The following ZNF423 variants were observed in gnomAD, a reference collection of about 807,000 sequenced individuals.
ZNF423 encodes zinc finger protein 423, also known as Ebf-associated zinc finger protein.
ZNF423 carries 12 observed loss-of-function variants against 95.8 expected under a neutral mutation model. The observed-to-expected ratio is 0.13, with a 90% CI of 0.08 to 0.20. ZNF423 has a LOEUF of 0.20. Ranked by LOEUF, ZNF423 falls within the 10% of genes least tolerant of loss-of-function variation. The pLI, the probability that ZNF423 is intolerant of heterozygous loss-of-function variation, is 1.00. For synonymous variants in ZNF423, 749 were observed against 711.9 expected (o/e 1.05, Z -0.83); for missense variants, 1,316 against 1,737.1 (o/e 0.76, Z 4.31).
Position 49,638,275 on chromosome 16 carries a change from C to A in ZNF423, c.901G>T (p.Ala301Ser). 6.2e-7 allele frequency: 1 copy of A among 1,613,338 alleles called. No individual in the cohort carries two copies. Residue 301 changes from alanine (A) to serine (S), a missense_variant, in exon 4 of 8, where the codon GCG becomes TCG. Ala to Ser is a moderately conservative substitution (Grantham distance 99). Around this residue, in one of 6 missense-constraint regions of ZNF423, gnomAD observed 399 missense variants for 478.5 expected, o/e 0.83. Coordinates refer to ENST00000563137, the MANE Select transcript of ZNF423 (RefSeq NM_001379286.1). The surrounding 1 kb of genome is among the most constrained non-coding windows in gnomAD (Gnocchi z 5.6). Reference sequence around the variant, plus strand: ...GGGCAGTGAATGCACTGCAGGTCCGCCTTCTCGGACAGCTGCGGGTGGCGG... The same window carrying A: ...GGGCAGTGAATGCACTGCAGGTCCGACTTCTCGGACAGCTGCGGGTGGCGG... ...LTRHPQLSEK[A>S]DLQCIHCPEV... is the part of the protein sequence containing the mutation.
In ZNF423 at chr16:49,489,144, C is replaced by G. The variant is rs1437304221; in HGVS notation, c.*2131G>C. The G allele has an allele frequency of 6.6e-6, 1 of 152,266 alleles. No homozygotes were observed. Among genetic ancestry groups the G allele is most frequent in the African/African-American group, 2.4e-5 (1 of 41,468 alleles). The allele number at this position is 152,266 out of a possible 1,614,324, so 9.4% of individuals were successfully genotyped here. ...GCCACCAACCGTCAAATCGAATCTT[C>G]TATTGGTAGTTACTGAGGGCTCACC... is the stretch of plus-strand genomic sequence containing the variant. On this transcript the variant is annotated 3_prime_UTR_variant, in exon 8 of 8. Coordinates refer to ENST00000563137, the MANE Select transcript of ZNF423 (RefSeq NM_001379286.1).
chr16:49,693,247 G>T (rs2031853635), intron 3 of ZNF423, among the ~76,000 whole-genome samples: 1 of 151,996 alleles, frequency 6.6e-6, no homozygotes, highest in Admixed American at 6.6e-5. Context: ...AATAATAGGG[G>T]TCCACAGAAA....
chr16:49,839,350 G>A (rs1195024379), intron 1 of ZNF423, among the ~76,000 whole-genome samples: 1 of 152,120 alleles, frequency 6.6e-6, no homozygotes, highest in Non-Finnish European at 1.5e-5. Context: ...AGAGGGGCCG[G>A]CCTCTGAGGT....
chr16:49,624,760 CTG>C (rs1171375283), intron 5 of ZNF423, among the ~76,000 whole-genome samples: 1 of 152,146 alleles, frequency 6.6e-6, no homozygotes, highest in African/African-American at 2.4e-5. Context: ...CGAGTAGAAA[CTG>C]TGATTCCATT....
At chr16:49,840,080 A>G (rs897297698) in intron 1 of ZNF423, among the ~76,000 whole-genome samples, 4 of 152,194 alleles carry the variant, frequency 2.6e-5, no homozygotes, top group Non-Finnish European at 5.9e-5. Flanking sequence ...GCGAGGAATG[A>G]ATGAACAAAT....
chr16:49,584,205 A>C (rs1970751781), intron 5 of ZNF423, among the ~76,000 whole-genome samples: 1 of 152,176 alleles, frequency 6.6e-6, no homozygotes, highest in Middle Eastern at 3.2e-3. Flanking sequence ...TGTGGAGCCC[A>C]TTTCAAATGA....
At position 49,663,406 on chromosome 16, in the gene ZNF423, G is replaced by A. The variant is rs193277055; in HGVS notation, c.302-24532C>T. On this transcript the variant is annotated intron_variant, in intron 3 of 7. Coordinates refer to ENST00000563137, the MANE Select transcript of ZNF423 (RefSeq NM_001379286.1). ...TGAGGCCCCCCAGCCCACCCCCCTC[G>A]AGGCCCTACAGAATCCATCAGGAAT... Among the ~76,000 whole-genome samples, 97 of 151,314 alleles carry A rather than the reference G, an allele frequency of 6.4e-4. 1 individual carries two copies. Among genetic ancestry groups the A allele is most frequent in the African/African-American group, 2.3e-3 (93 of 41,184 alleles).
At chr16:49,782,196 C>T (rs140843744) in intron 2 of ZNF423, among the ~76,000 whole-genome samples, 2,999 of 152,366 alleles carry the variant, frequency 0.02, 86 homozygotes, top group African/African-American at 0.069. Flanking sequence ...CAGAGAGTCT[C>T]CTCTAAAACA....
At chr16:49,794,674 C>T (rs777859093) in intron 1 of ZNF423, among the ~76,000 whole-genome samples, 1 of 152,214 alleles carries the variant, frequency 6.6e-6, no homozygotes, top group African/African-American at 2.4e-5. Context: ...AGCTCCTGCT[C>T]GTGATTCCCA....
At chr16:49,614,079 T>C (rs1951929307) in intron 5 of ZNF423, among the ~76,000 whole-genome samples, 1 of 152,102 alleles carries the variant, frequency 6.6e-6, no homozygotes, top group African/African-American at 2.4e-5. Flanking sequence ...TTAGAATACA[T>C]AAAGAACTCT....
At position 49,620,651 on chromosome 16, in the gene ZNF423, C is replaced by T. The variant is rs535890806; in HGVS notation, c.3601+5519G>A. Among the ~76,000 whole-genome samples the T allele has an allele frequency of 2.9e-4, 44 of 152,298 alleles. No homozygotes were observed. The South Asian group carries it at 8.3e-3, about 29-fold the overall frequency. On this transcript the variant is annotated intron_variant, in intron 5 of 7. Transcript: ENST00000563137. ...ATCCCTTCCCAGCCCTGACCCTCCC[C>T]GGGGCTCCCCCAAGGGGCCCGTGAG... is the stretch of plus-strand genomic sequence containing the variant.
At chr16:49,784,822 C>T (rs912576102) in intron 2 of ZNF423, among the ~76,000 whole-genome samples, 9 of 151,714 alleles carry the variant, frequency 5.9e-5, no homozygotes, top group South Asian at 4.2e-4. Context: ...TGGTGGCACA[C>T]GTCTGTAATC....
chr16:49,758,264 G>A (rs1200984527), intron 2 of ZNF423, among the ~76,000 whole-genome samples: 10 of 152,166 alleles, frequency 6.6e-5, no homozygotes, highest in Admixed American at 2.0e-4. Context: ...TCGGCCTCCC[G>A]AGTAGCTGGG....
intron 1 of ZNF423, among the ~76,000 whole-genome samples, chr16:49,803,952 TTTTGACAGAGTCTCCCTC>T (rs948763230): frequency 8.3e-6 from 1 of 121,024 alleles, no homozygotes; most frequent in African/African-American, 3.1e-5. Flanking sequence ...TTTTTTTTTT[TTTTGACAGAGTCTCCCTC>T]TGTCACCCAG....
intron 5 of ZNF423, among the ~76,000 whole-genome samples, chr16:49,575,535 A>C (rs1970470218): frequency 6.6e-6 from 1 of 152,150 alleles, no homozygotes. Flanking sequence ...TGGCTGCCCC[A>C]GTCCTCGTTC....
intron 3 of ZNF423, among the ~76,000 whole-genome samples, chr16:49,709,604 C>T (rs1405938571): frequency 6.6e-6 from 1 of 152,096 alleles, no homozygotes; most frequent in African/African-American, 2.4e-5. Context: ...TGAATGTTTA[C>T]GTCCCCCCAA....
intron 5 of ZNF423, among the ~76,000 whole-genome samples, chr16:49,578,339 C>T (rs576521979): frequency 6.6e-6 from 1 of 152,344 alleles, no homozygotes; most frequent in South Asian, 2.1e-4. Context: ...CTTCCATTTG[C>T]TAAGGGTCTT....
intron 2 of ZNF423, among the ~76,000 whole-genome samples, chr16:49,731,794 C>G (rs369365529): frequency 6.6e-6 from 1 of 152,008 alleles, no homozygotes; most frequent in Non-Finnish European, 1.5e-5. Flanking sequence ...TGGGCCTGGA[C>G]CCTATCTCTA....
At chr16:49,724,710 A>G (rs2032961368) in intron 3 of ZNF423, among the ~76,000 whole-genome samples, 1 of 152,208 alleles carries the variant, frequency 6.6e-6, no homozygotes, top group Non-Finnish European at 1.5e-5. Context: ...CCACAGCTGA[A>G]CAAACCAGGG....
Sources: gnomAD v4.1 joint callset for allele counts (sites outside exome capture counted in the v4.1 genomes callset) on GRCh38, gnomAD v4.1.1 for gene constraint, gnomAD v4.1.1 regional missense constraint, Gnocchi (gnomAD v3.1) non-coding constraint, MANE v1.5 for transcripts, NCBI Gene and HGNC (gene_info 2026-07-23, HGNC 2026-07-21) for gene names.